CACNA2D3: variants seen among roughly 807,000 people sequenced by gnomAD.
CACNA2D3 encodes the protein calcium voltage-gated channel auxiliary subunit alpha2delta 3, also known as voltage-dependent calcium channel subunit alpha-2/delta-3.
A neutral mutation model predicts 160.6 loss-of-function variants in CACNA2D3; 60 were observed. The ratio of observed to expected loss-of-function variants is 0.37; its 90% confidence interval spans 0.30 to 0.46. CACNA2D3 has a LOEUF of 0.46. Ranked by LOEUF, CACNA2D3 falls within the 20% of genes least tolerant of loss-of-function variation. The probability of loss-of-function intolerance (pLI) is 1.00; values close to 1 mark genes in which losing one functional copy is unlikely to be tolerated. For missense variants in CACNA2D3, 1,205 were observed against 1,365.0 expected (o/e 0.88, Z 1.85); for synonymous variants, 558 against 492.9 (o/e 1.13, Z -1.75).
chr3:54,689,010 A>AAAAAAAAAAGAG lies in CACNA2D3; in HGVS notation c.1167+46770_1167+46771insAAAAAAAAGAGA, dbSNP rs1553785965. 2.2e-3 allele frequency among the ~76,000 whole-genome samples: 185 copies of AAAAAAAAAAGAG among 85,484 alleles called. 50 individuals carry two copies. Among genetic ancestry groups the AAAAAAAAAAGAG allele is most frequent in the East Asian group, 3.3e-3 (8 of 2,448 alleles). 56.1% of individuals were successfully genotyped at this position (85,484 alleles called of 152,430 possible). Reference sequence around the variant, plus strand: ...AAAAAAAAAAAAAAAAAAAAAAAAAAAGAATGAGGTTGTATACATAAAGCA... The same window carrying AAAAAAAAAAGAG: ...AAAAAAAAAAAAAAAAAAAAAAAAAAAAAAAAAAAGAGAGAATGAGGTTGTATACATAAAGCA... On this transcript the variant is annotated intron_variant, in intron 11 of 37. Coordinates refer to ENST00000474759, the MANE Select transcript of CACNA2D3 (RefSeq NM_018398.3).
intron 13 of CACNA2D3, among the ~76,000 whole-genome samples, chr3:54,785,836 C>G (rs769914153): frequency 1.1e-4 from 16 of 152,172 alleles, no homozygotes; most frequent in African/African-American, 1.9e-4. Context: ...TGATTCCACT[C>G]TCAGTATACA....
Position 54,780,717 on chromosome 3 carries a change from G to A in CACNA2D3, c.1380+16366G>A, listed in dbSNP as rs917773473. On this transcript the variant is annotated intron_variant, in intron 13 of 37. Transcript: ENST00000474759. ...GACTGGAAAGGAAAATTCCCAGAAAGCCTGATATCTTGATAGAATGGTAGT... is the reference window on the plus strand; with the variant it reads ...GACTGGAAAGGAAAATTCCCAGAAAACCTGATATCTTGATAGAATGGTAGT... Among the ~76,000 whole-genome samples the A allele has an allele frequency of 3.9e-5, 6 of 152,180 alleles. No homozygotes were observed. The South Asian group carries it at 1.2e-3, about 31-fold the overall frequency.
rs1559611218 is a variant in CACNA2D3 at position 54,871,066 on chromosome 3, ACACACACACACACACACACAC to A, written c.1627-472_1627-452del. On this transcript the variant is annotated intron_variant, in intron 17 of 37. Coordinates refer to ENST00000474759, the MANE Select transcript of CACNA2D3 (RefSeq NM_018398.3). ...GATACACACACACACACACACACACACACACACACACACACACACACACACACCATTCAATGGGAAGACAAA... is the reference window on the plus strand; with the variant it reads ...GATACACACACACACACACACACACAACACACCATTCAATGGGAAGACAAA... Among the ~76,000 whole-genome samples, 3 of 56,674 alleles carry A rather than the reference ACACACACACACACACACACAC, an allele frequency of 5.3e-5. No homozygotes were observed. In the East Asian group the frequency reaches 8.1e-3, roughly 153 times the overall value. The allele number at this position is 56,674 out of a possible 152,430, so 37.2% of individuals were successfully genotyped here. A position where few individuals can be genotyped will look rare whatever the true frequency, so the allele number is the denominator to read the frequency against.
chr3:54,249,662 TACACACAC>T (rs10656572), intron 2 of CACNA2D3, among the ~76,000 whole-genome samples: 60 of 132,918 alleles, frequency 4.5e-4, no homozygotes, highest in East Asian at 1.3e-3. Context: ...TCTGTTTACG[TACACACAC>T]ACACACACAC....
chr3:54,937,741 A>G (rs942250812), intron 27 of CACNA2D3, among the ~76,000 whole-genome samples: 1 of 152,048 alleles, frequency 6.6e-6, no homozygotes, highest in Non-Finnish European at 1.5e-5. Flanking sequence ...GACGAGGGCC[A>G]TTCCAGGTAA....
chr3:54,328,378 T>A (rs1575397834), intron 3 of CACNA2D3, among the ~76,000 whole-genome samples: 1 of 152,090 alleles, frequency 6.6e-6, no homozygotes, highest in African/African-American at 2.4e-5. Context: ...GCCTCCCGGG[T>A]TCAAGCAACT....
chr3:54,702,935 G>A (rs1700792772), intron 11 of CACNA2D3, among the ~76,000 whole-genome samples: 1 of 152,184 alleles, frequency 6.6e-6, no homozygotes, highest in Non-Finnish European at 1.5e-5. Flanking sequence ...CAGCAACATG[G>A]ATGCAGCTGG....
chr3:54,194,516 C>T (rs1485559125), intron 2 of CACNA2D3, among the ~76,000 whole-genome samples: 2 of 152,194 alleles, frequency 1.3e-5, no homozygotes, highest in Non-Finnish European at 2.9e-5. Flanking sequence ...AATCTTCCTC[C>T]TGGCTGTTCC....
At chr3:54,747,908 TTTTC>T (rs1444014251) in intron 11 of CACNA2D3, among the ~76,000 whole-genome samples, 1 of 152,244 alleles carries the variant, frequency 6.6e-6, no homozygotes, top group Non-Finnish European at 1.5e-5. Context: ...CTTTGCATTA[TTTTC>T]TTTATCAGCA....
At chr3:54,517,843 C>A (rs1041448846) in intron 5 of CACNA2D3, among the ~76,000 whole-genome samples, 1 of 152,102 alleles carries the variant, frequency 6.6e-6, no homozygotes, top group African/African-American at 2.4e-5. Flanking sequence ...AGCTGGCTGA[C>A]AAGGCTTCCA....
intron 2 of CACNA2D3, among the ~76,000 whole-genome samples, chr3:54,183,259 A>G (rs1185393594): frequency 6.7e-6 from 1 of 149,370 alleles, no homozygotes; most frequent in Non-Finnish European, 1.5e-5. Context: ...AAAGAAATGC[A>G]GAGAGACTTC....
At chr3:54,681,382 CAAAAAA>C (rs565556596) in intron 11 of CACNA2D3, among the ~76,000 whole-genome samples, 1 of 62,100 alleles carries the variant, frequency 1.6e-5, no homozygotes, top group African/African-American at 8.1e-5. Context: ...ACTAAAAATA[CAAAAAA>C]AAAAAAAAAA....
At chr3:54,248,310 G>A (rs62252252) in intron 2 of CACNA2D3, among the ~76,000 whole-genome samples, 91 of 151,818 alleles carry the variant, frequency 6.0e-4, no homozygotes, top group East Asian at 2.3e-3. Context: ...GTGAAACCCC[G>A]TCCCTACTAA....
intron 4 of CACNA2D3, among the ~76,000 whole-genome samples, chr3:54,409,104 A>G (rs1699623758): frequency 6.6e-6 from 1 of 152,194 alleles, no homozygotes. Context: ...CCCATCACAG[A>G]TACTGTGTTT....
intron 4 of CACNA2D3, among the ~76,000 whole-genome samples, chr3:54,416,168 T>C (rs1699751548): frequency 6.6e-6 from 1 of 152,210 alleles, no homozygotes. Flanking sequence ...AATACAAATA[T>C]GGTTAAGCTA....
chr3:54,356,480 C>T (rs1357089845), intron 3 of CACNA2D3, among the ~76,000 whole-genome samples: 1 of 152,294 alleles, frequency 6.6e-6, no homozygotes, highest in East Asian at 1.9e-4. Context: ...CGAGGTCTAA[C>T]CTTGACACAG....
chr3:54,350,725 G>A (rs910954631), intron 3 of CACNA2D3, among the ~76,000 whole-genome samples: 2 of 152,108 alleles, frequency 1.3e-5, no homozygotes, highest in Non-Finnish European at 2.9e-5. Context: ...GTGAGCTTTC[G>A]AGATACTCGA....
chr3:54,281,018 T>C (rs1244054964), intron 2 of CACNA2D3, among the ~76,000 whole-genome samples: 1 of 152,222 alleles, frequency 6.6e-6, no homozygotes, highest in East Asian at 1.9e-4. Flanking sequence ...TTCCTCTGTC[T>C]TCAGCATCCA....
chr3:54,460,840 C>T (rs543698923), intron 4 of CACNA2D3, among the ~76,000 whole-genome samples: 5 of 151,490 alleles, frequency 3.3e-5, no homozygotes, highest in African/African-American at 1.2e-4. Flanking sequence ...GAGAGGGCAT[C>T]CCTGTCTTGT....
Sources: gnomAD v4.1 joint callset for allele counts (sites outside exome capture counted in the v4.1 genomes callset) on GRCh38, gnomAD v4.1.1 for gene constraint, MANE v1.5 for transcripts, NCBI Gene and HGNC (gene_info 2026-07-23, HGNC 2026-07-21) for gene names.